Variants in VPS53 observed in about 807,000 individuals in gnomAD.
VPS53 encodes vacuolar protein sorting-associated protein 53 homolog.
VPS53 carries 70 observed loss-of-function variants against 107.0 expected under a neutral mutation model. The observed-to-expected ratio is 0.65, with a 90% CI of 0.54 to 0.80. The LOEUF (loss-of-function observed/expected upper bound fraction) is 0.80, where lower values mean the gene tolerates loss of function less well. Ranked by LOEUF, VPS53 falls within the 30% of genes least tolerant of loss-of-function variation. The pLI is 0.00. For missense variants in VPS53, 917 were observed against 1,049.4 expected, an observed-to-expected ratio of 0.87 and a Z score of 1.74; for synonymous variants, 409 against 393.3, an observed-to-expected ratio of 1.04 and a Z score of -0.47.
At chr17:664,962 GT>G (rs1321924799) in intron 4 of VPS53, among the ~76,000 whole-genome samples, 1 of 152,204 alleles carries the variant, frequency 6.6e-6, no homozygotes, top group Non-Finnish European at 1.5e-5. Context: ...GCAGGTGTGT[GT>G]GGTGGTGGCG....
intron 13 of VPS53, among the ~76,000 whole-genome samples, chr17:571,499 CTCTCCCTACAG>C (rs142417404): frequency 1.4e-3 from 181 of 125,800 alleles, no homozygotes; most frequent in Middle Eastern, 8.1e-3. Flanking sequence ...CTCCCTCTCC[CTCTCCCTACAG>C]TCTCCCTCTC....
intron 11 of VPS53, among the ~76,000 whole-genome samples, chr17:615,016 T>C (rs538984104): frequency 6.6e-6 from 1 of 152,282 alleles, no homozygotes; most frequent in East Asian, 1.9e-4. Flanking sequence ...AGTCTGCTTT[T>C]CTGCTTTCAG....
intron 2 of VPS53, among the ~76,000 whole-genome samples, chr17:709,217 G>A (rs1316353008): frequency 2.4e-5 from 3 of 125,698 alleles, no homozygotes; most frequent in Non-Finnish European, 5.8e-5. Context: ...CTGGTATCAC[G>A]GCGCAGCACG....
At chr17:707,608 G>A (rs978150637) in intron 2 of VPS53, among the ~76,000 whole-genome samples, 2 of 151,964 alleles carry the variant, frequency 1.3e-5, no homozygotes, top group Non-Finnish European at 2.9e-5. Context: ...CAACATTTTG[G>A]GAGGCTGAGG....
intron 15 of VPS53, among the ~76,000 whole-genome samples, chr17:555,763 T>C (rs1450452226): frequency 6.6e-6 from 1 of 152,240 alleles, no homozygotes; most frequent in Non-Finnish European, 1.5e-5. Context: ...AACATCATTA[T>C]GATGTAGTTT....
intron 5 of VPS53, chr17:656,950 G>A (rs1971216674): frequency 9.3e-7 from 1 of 1,075,104 alleles, no homozygotes; most frequent in African/African-American, 1.6e-5. Context: ...TGCCACTGGT[G>A]TCTTTCACAT....
intron 13 of VPS53, among the ~76,000 whole-genome samples, chr17:580,088 A>C (rs1474532652): frequency 6.7e-6 from 1 of 149,714 alleles, no homozygotes; most frequent in African/African-American, 2.5e-5. Context: ...GTCCCAGAGA[A>C]CATCCCTCAG....
At chr17:623,346 G>C (rs545572941) in intron 11 of VPS53, among the ~76,000 whole-genome samples, 187 bp downstream of exon 11, 26 of 152,304 alleles carry the variant, frequency 1.7e-4, no homozygotes, top group Non-Finnish European at 2.4e-4. Flanking sequence ...GATGTACTGC[G>C]TAAGAGACAA....
At chr17:601,697 C>T (rs762537023) in intron 12 of VPS53, 98 bp downstream of exon 12, 186 of 875,290 alleles carry the variant, frequency 2.1e-4, no homozygotes, top group Non-Finnish European at 3.1e-4. Flanking sequence ...CATCTCTGAA[C>T]GTGGCCAAGA....
At chr17:547,468 GA>G (rs1911315645) in intron 17 of VPS53, among the ~76,000 whole-genome samples, 1 of 152,120 alleles carries the variant, frequency 6.6e-6, no homozygotes, top group Non-Finnish European at 1.5e-5. Flanking sequence ...AAAATGTCAG[GA>G]GGGGCAAATC....
At chr17:681,325 C>T (rs1185156012) in intron 4 of VPS53, among the ~76,000 whole-genome samples, 1 of 152,170 alleles carries the variant, frequency 6.6e-6, no homozygotes, top group Admixed American at 6.5e-5. Flanking sequence ...TTAGTAGAGA[C>T]ATGGTTTCAC....
chr17:519,295 G>A lies in VPS53; in HGVS notation c.2332C>T (p.Leu778=), dbSNP rs527852022. ...ATGCTGCTCTGCTCACTCCTCTTCA[G>A]CCCCTGAGGTTGAGAGAGAAACAGA... ...TFQKILDMKG[L]KRSEQSSMLE... is the part of the protein sequence containing the mutation. The change falls in exon 22 of 22, where the codon CTG becomes TTG. Residue 778 remains leucine, a synonymous_variant. Coordinates refer to ENST00000437048, the MANE Select transcript of VPS53 (RefSeq NM_001128159.3). The surrounding 1 kb of genome is among the most constrained non-coding windows in gnomAD (Gnocchi z 5.0). 4 of 1,484,008 alleles carry A rather than the reference G, an allele frequency of 2.7e-6. No homozygotes were observed. Among genetic ancestry groups the A allele is most frequent in the East Asian group, 5.0e-5 (2 of 40,018 alleles). The allele number at this position is 1,484,008 out of a possible 1,614,324, so 91.9% of individuals were successfully genotyped here. A position where few individuals can be genotyped will look rare whatever the true frequency, so the allele number is the denominator to read the frequency against.
chr17:564,746 G>T (rs1175833317), intron 13 of VPS53, among the ~76,000 whole-genome samples: 2 of 151,700 alleles, frequency 1.3e-5, no homozygotes, highest in African/African-American at 4.8e-5. Context: ...CCAAAACAGG[G>T]TATGAGCAGC....
chr17:595,150 T>C lies in VPS53; in HGVS notation c.1218+6645A>G, dbSNP rs544448505. On this transcript the variant is annotated intron_variant, in intron 12 of 21. Transcript: ENST00000437048. Reference sequence around the variant, plus strand: ...GAGATGGGAAGGGGTCTGGACCAATTTCCTCGTTTGATGATGCACTCTAGT... The same window carrying C: ...GAGATGGGAAGGGGTCTGGACCAATCTCCTCGTTTGATGATGCACTCTAGT... Among the ~76,000 whole-genome samples, 354 of 106,006 alleles carry C rather than the reference T, an allele frequency of 3.3e-3. 5 individuals carry two copies. Among genetic ancestry groups the C allele is most frequent in the African/African-American group, 0.01 (266 of 26,344 alleles). The allele number at this position is 106,006 out of a possible 152,430, so 69.5% of individuals were successfully genotyped here.
chr17:655,493 G>C (rs1971152144), intron 6 of VPS53, among the ~76,000 whole-genome samples: 1 of 151,934 alleles, frequency 6.6e-6, no homozygotes, highest in Admixed American at 6.6e-5. Flanking sequence ...TGTCTGCCTG[G>C]AGTGCATATG....
chr17:546,870 CTTTTTTTTTTTT>C (rs60940748), intron 17 of VPS53, among the ~76,000 whole-genome samples: 2,055 of 83,526 alleles, frequency 0.025, 35 homozygotes, highest in South Asian at 0.068. Context: ...CCCTTAGATC[CTTTTTTTTTTTT>C]TTTTTTTTTT....
chr17:682,910 T>C (rs1342074841), intron 4 of VPS53, among the ~76,000 whole-genome samples: 1 of 142,424 alleles, frequency 7.0e-6, no homozygotes, highest in Non-Finnish European at 1.5e-5. Context: ...CTAAAGAATC[T>C]GGTAGAAAAG....
chr17:625,387 G>A (rs919020667), intron 10 of VPS53, among the ~76,000 whole-genome samples: 9 of 151,884 alleles, frequency 5.9e-5, no homozygotes, highest in African/African-American at 1.7e-4. Flanking sequence ...GCCTGAGCCC[G>A]GGAGTTCAAG....
chr17:578,614 A>T (rs1036407899), intron 13 of VPS53, among the ~76,000 whole-genome samples: 5 of 151,360 alleles, frequency 3.3e-5, no homozygotes, highest in African/African-American at 1.2e-4. Context: ...CTCCCTCAGA[A>T]CCTCAGTGCG....
Sources: allele counts gnomAD v4.1 joint callset (sites outside exome capture counted in the v4.1 genomes callset), GRCh38; gene constraint gnomAD v4.1.1; non-coding constraint Gnocchi (gnomAD v3.1); transcripts MANE v1.5; gene names NCBI Gene and HGNC (gene_info 2026-07-23, HGNC 2026-07-21).